LTBP1: variants seen among roughly 807,000 people sequenced by gnomAD.
The protein encoded by LTBP1 is latent-transforming growth factor beta-binding protein 1.
LTBP1 carries 129 observed loss-of-function variants against 207.6 expected under a neutral mutation model. The observed-to-expected ratio is 0.62, with a 90% CI of 0.54 to 0.72. The LOEUF (loss-of-function observed/expected upper bound fraction) is 0.72. Among genes scored for constraint, LTBP1 ranks in the 30% least tolerant of loss-of-function variants. The pLI is 0.00. For synonymous variants in LTBP1, 963 were observed against 833.7 expected (o/e 1.16, Z -2.67); for missense variants, 2,281 against 2,217.2 (o/e 1.03, Z -0.58).
intron 3 of LTBP1, among the ~76,000 whole-genome samples, chr2:33,084,605 G>A (rs11885276): frequency 1.8e-4 from 28 of 152,182 alleles, no homozygotes; most frequent in African/African-American, 5.8e-4. Context: ...CTTACAGTCC[G>A]TCTCCTTACC....
At chr2:33,157,771 A>G (rs547181203) in intron 5 of LTBP1, among the ~76,000 whole-genome samples, 31 of 152,248 alleles carry the variant, frequency 2.0e-4, no homozygotes, top group African/African-American at 7.0e-4. Flanking sequence ...TCTTTTTCCC[A>G]CTGACCTGTG....
intron 2 of LTBP1, among the ~76,000 whole-genome samples, chr2:32,958,534 A>G: frequency 6.6e-6 from 1 of 152,186 alleles, no homozygotes; most frequent in East Asian, 1.9e-4. Flanking sequence ...CTGTCCCTTC[A>G]TCAGCGTTGA....
chr2:33,388,457 G>A (rs1047136850), intron 31 of LTBP1, among the ~76,000 whole-genome samples: 3 of 152,194 alleles, frequency 2.0e-5, no homozygotes, highest in African/African-American at 7.2e-5. Context: ...TAACCTCTCT[G>A]TGCTTTTGTT....
At chr2:33,082,300 C>T (rs1227940715) in intron 3 of LTBP1, among the ~76,000 whole-genome samples, 3 of 152,108 alleles carry the variant, frequency 2.0e-5, no homozygotes, top group African/African-American at 7.2e-5. Context: ...GAACTGTGAG[C>T]CAGTCAATTT....
At chr2:33,018,863 C>T (rs1217652804) in intron 2 of LTBP1, among the ~76,000 whole-genome samples, 1 of 150,138 alleles carries the variant, frequency 6.7e-6, no homozygotes, top group Non-Finnish European at 1.5e-5. Context: ...AGGGAGCTGG[C>T]TCCATTTTTT....
At chr2:33,011,145 A>T (rs772431460) in intron 2 of LTBP1, among the ~76,000 whole-genome samples, 3 of 152,186 alleles carry the variant, frequency 2.0e-5, no homozygotes, top group Non-Finnish European at 4.4e-5. Context: ...ACACAACAGG[A>T]TGATTATTTT....
At chr2:32,973,141 G>A (rs1048599621) in intron 2 of LTBP1, among the ~76,000 whole-genome samples, 7 of 152,106 alleles carry the variant, frequency 4.6e-5, no homozygotes, top group African/African-American at 1.7e-4. Context: ...GACTTCTGTG[G>A]ATGTCTGTTA....
chr2:33,114,462 C>T (rs188876367), intron 4 of LTBP1, among the ~76,000 whole-genome samples: 37 of 152,280 alleles, frequency 2.4e-4, no homozygotes, highest in Admixed American at 1.1e-3. Flanking sequence ...CCACTGAAAA[C>T]ATCTAGATAT....
intron 3 of LTBP1, among the ~76,000 whole-genome samples, chr2:33,049,646 C>G (rs1462634316): frequency 3.9e-5 from 6 of 152,142 alleles, no homozygotes; most frequent in Non-Finnish European, 1.5e-5. Flanking sequence ...ATTTTTATCT[C>G]AGCCTTCCAA....
At chr2:33,346,353 A>G (rs2094700961) in intron 25 of LTBP1, among the ~76,000 whole-genome samples, 1 of 152,200 alleles carries the variant, frequency 6.6e-6, no homozygotes, top group South Asian at 2.1e-4. Context: ...TTCTGTGGTT[A>G]CTGAAGTGTC....
chr2:33,080,847 CAT>C (rs2078352076), intron 3 of LTBP1, among the ~76,000 whole-genome samples: 1 of 152,144 alleles, frequency 6.6e-6, no homozygotes, highest in South Asian at 2.1e-4. Flanking sequence ...TATACACACA[CAT>C]ATATGCATAT....
chr2:33,010,912 G>GTT, intron 2 of LTBP1, among the ~76,000 whole-genome samples: 1 of 152,040 alleles, frequency 6.6e-6, no homozygotes, highest in East Asian at 1.9e-4. Flanking sequence ...TAGAGACGGG[G>GTT]TTTCACCATG....
At chr2:33,335,380 C>T (rs2094543099) in intron 24 of LTBP1, among the ~76,000 whole-genome samples, 1 of 152,080 alleles carries the variant, frequency 6.6e-6, no homozygotes, top group Non-Finnish European at 1.5e-5. Flanking sequence ...GGTAGTCAGA[C>T]TCGGCCCAGG....
chr2:33,289,105 C>G (rs1354815302), intron 19 of LTBP1, among the ~76,000 whole-genome samples: 1 of 152,166 alleles, frequency 6.6e-6, no homozygotes, highest in African/African-American at 2.4e-5. Flanking sequence ...GTGGGCATGG[C>G]ACATCTAGTT....
intron 19 of LTBP1, 27 bp downstream of exon 19, chr2:33,280,185 G>C: frequency 6.3e-7 from 1 of 1,587,642 alleles, no homozygotes; most frequent in Middle Eastern, 1.7e-4. Context: ...ACTTATCAAA[G>C]ATTTGTTTCT....
intron 19 of LTBP1, among the ~76,000 whole-genome samples, chr2:33,289,337 T>C (rs892638468): frequency 2.6e-5 from 4 of 152,238 alleles, no homozygotes; most frequent in African/African-American, 9.6e-5. Context: ...GGTAAATTGT[T>C]TGAGATTTAG....
At chr2:33,015,175 G>A (rs1688201890) in intron 2 of LTBP1, among the ~76,000 whole-genome samples, 1 of 152,060 alleles carries the variant, frequency 6.6e-6, no homozygotes, top group South Asian at 2.1e-4. Context: ...ATTGGATCTG[G>A]TTTCTGAACC....
chr2:33,102,809 C>A (rs1471728660), intron 3 of LTBP1, among the ~76,000 whole-genome samples: 1 of 152,104 alleles, frequency 6.6e-6, no homozygotes, highest in East Asian at 1.9e-4. Context: ...TATGCACTGT[C>A]TGTAAGCTGT....
intron 31 of LTBP1, among the ~76,000 whole-genome samples, chr2:33,370,776 T>C (rs544270663): frequency 1.3e-5 from 2 of 152,288 alleles, no homozygotes; most frequent in South Asian, 4.1e-4. Context: ...CCATTTTCCT[T>C]AGGAGTGCAG....
Sources: allele counts gnomAD v4.1 joint callset (sites outside exome capture counted in the v4.1 genomes callset), GRCh38; gene constraint gnomAD v4.1.1; transcripts MANE v1.5; gene names NCBI Gene and HGNC (gene_info 2026-07-23, HGNC 2026-07-21).